Variants in PDZD2 observed in about 807,000 individuals in gnomAD.
PDZD2 encodes the protein PDZ domain-containing protein 2.
Under a neutral mutation model 220.7 loss-of-function variants are expected in PDZD2, and 90 were observed. The ratio of observed to expected loss-of-function variants is 0.41; its 90% CI spans 0.34 to 0.49. The LOEUF (loss-of-function observed/expected upper bound fraction) is 0.49, where lower values mean the gene tolerates loss of function less well. Ranked by LOEUF, PDZD2 falls within the 20% of genes least tolerant of loss-of-function variation. PDZD2 has a pLI of 0.28. For synonymous variants in PDZD2, 1,375 were observed against 1,450.5 expected (o/e 0.95, Z 1.18); for missense variants, 3,174 against 3,608.5 (o/e 0.88, Z 3.08).
intron 2 of PDZD2, among the ~76,000 whole-genome samples, chr5:31,945,818 C>T (rs2111566183): frequency 6.6e-6 from 1 of 152,166 alleles, no homozygotes; most frequent in Middle Eastern, 3.4e-3. Flanking sequence ...AGGTGCACAG[C>T]CATTATAGGG....
intron 2 of PDZD2, among the ~76,000 whole-genome samples, chr5:31,802,780 C>T (rs376094315): frequency 1.8e-4 from 28 of 151,870 alleles, no homozygotes; most frequent in African/African-American, 5.3e-4. Context: ...ATTAGCCGGG[C>T]GTGGTGGCGG....
chr5:31,759,946 A>G (rs547323830), intron 1 of PDZD2, among the ~76,000 whole-genome samples: 1 of 152,226 alleles, frequency 6.6e-6, no homozygotes. Context: ...GAATACATGT[A>G]TTATGAATTT....
In PDZD2 at chr5:32,090,241, A is replaced by G; in HGVS notation, c.6793A>G (p.Arg2265Gly). ...TGTTGTCCCCGAGGCAAAGGCATCCAGAGGTGGTCTTCCCAGCCTGGCTAA... is the reference window on the plus strand; with the variant it reads ...TGTTGTCCCCGAGGCAAAGGCATCCGGAGGTGGTCTTCCCAGCCTGGCTAA... ...SSVVPEAKAS[R>G]GGLPSLANGQ... The change falls in exon 20 of 25, where the codon AGA becomes GGA. Residue 2265 changes from arginine to glycine, a missense_variant. Around this residue, in one of 4 missense-constraint regions of PDZD2, gnomAD observed 631 missense variants for 789.9 expected, o/e 0.80. Transcript: ENST00000438447. This position sits in a 1 kb window ranked among gnomAD's most constrained non-coding sequence, Gnocchi z 4.3. The G allele has an allele frequency of 6.2e-7, 1 of 1,614,200 alleles. No homozygotes were observed. The highest frequency in any genetic ancestry group is 2.2e-5 in the East Asian group (1 of 44,876).
chr5:31,976,707 C>CT (rs1270194739), intron 2 of PDZD2, among the ~76,000 whole-genome samples: 127 of 121,622 alleles, frequency 1.0e-3, no homozygotes, highest in Non-Finnish European at 1.7e-3. Context: ...TCCTTTTTTT[C>CT]TTCTTTCTTT....
At chr5:31,842,357 A>C (rs942334462) in intron 2 of PDZD2, among the ~76,000 whole-genome samples, 4 of 152,174 alleles carry the variant, frequency 2.6e-5, no homozygotes, top group African/African-American at 7.2e-5. Context: ...CAGACGAGAG[A>C]ATCCAGGCTG....
At chr5:31,693,822 T>C (rs950033715) in intron 1 of PDZD2, among the ~76,000 whole-genome samples, 20 of 152,206 alleles carry the variant, frequency 1.3e-4, no homozygotes, top group African/African-American at 4.8e-4. Context: ...TAGTGCCAGC[T>C]CTGCCCTTAT....
chr5:31,721,306 T>G (rs1335595566), intron 1 of PDZD2, among the ~76,000 whole-genome samples: 1 of 152,080 alleles, frequency 6.6e-6, no homozygotes, highest in Non-Finnish European at 1.5e-5. Flanking sequence ...AAAGATAGAT[T>G]GGAGAGAACC....
chr5:31,954,872 G>T (rs887754732), intron 2 of PDZD2, among the ~76,000 whole-genome samples: 11 of 152,150 alleles, frequency 7.2e-5, no homozygotes, highest in Admixed American at 6.5e-5. Context: ...GGGAGGCGAA[G>T]GTTGCAGTGA....
At chr5:32,100,171 C>A (rs1439267704) in intron 23 of PDZD2, 1 of 153,310 alleles carries the variant, frequency 6.5e-6, no homozygotes, top group Non-Finnish European at 1.5e-5. Flanking sequence ...TAGTAAATGT[C>A]CTTCAGACCC....
chr5:32,006,195 A>T (rs1324242893), intron 5 of PDZD2, among the ~76,000 whole-genome samples: 1 of 151,544 alleles, frequency 6.6e-6, no homozygotes, highest in East Asian at 1.9e-4. Flanking sequence ...GTAGCTGGTT[A>T]TAGCAAGAAC....
chr5:32,057,417 A>T (rs1209771095), intron 10 of PDZD2, among the ~76,000 whole-genome samples: 1 of 152,234 alleles, frequency 6.6e-6, no homozygotes, highest in Non-Finnish European at 1.5e-5. Flanking sequence ...TAAGATTTTC[A>T]TGCTTCCCAT....
At chr5:31,692,268 C>T (rs1407716257) in intron 1 of PDZD2, among the ~76,000 whole-genome samples, 2 of 152,198 alleles carry the variant, frequency 1.3e-5, no homozygotes, top group African/African-American at 2.4e-5. Context: ...GTGCGGGGTC[C>T]GCGGAGCCTA....
intron 6 of PDZD2, among the ~76,000 whole-genome samples, chr5:32,029,892 T>C (rs1407840308): frequency 6.6e-6 from 1 of 152,208 alleles, no homozygotes; most frequent in African/African-American, 2.4e-5. Flanking sequence ...GAGGAAAAGA[T>C]TCTTGGCTTC....
chr5:31,999,060 T>C (rs1050485257), intron 4 of PDZD2, among the ~76,000 whole-genome samples: 18 of 152,232 alleles, frequency 1.2e-4, no homozygotes, highest in Admixed American at 1.1e-3. Context: ...TGACCCTCCC[T>C]AGGGGAGGCA....
chr5:31,698,058 G>T (rs112598121), intron 1 of PDZD2, among the ~76,000 whole-genome samples: 1 of 146,000 alleles, frequency 6.8e-6, no homozygotes, highest in Admixed American at 7.0e-5. Context: ...GCGTGCCACC[G>T]CACCCAGCTA....
intron 1 of PDZD2, among the ~76,000 whole-genome samples, chr5:31,753,591 ACT>A (rs1214270128): frequency 6.8e-6 from 1 of 146,380 alleles, no homozygotes; most frequent in African/African-American, 2.6e-5. Context: ...ACAGAGTGAG[ACT>A]CTGTCTCAAA....
At chr5:31,922,619 C>T (rs903371306) in intron 2 of PDZD2, among the ~76,000 whole-genome samples, 14 of 152,158 alleles carry the variant, frequency 9.2e-5, no homozygotes, top group Non-Finnish European at 2.1e-4. Flanking sequence ...GCCACGGTAA[C>T]TACTCTGAAA....
chr5:32,078,362 T>C (rs1481114850), intron 19 of PDZD2, among the ~76,000 whole-genome samples: 8 of 152,192 alleles, frequency 5.3e-5, no homozygotes, highest in Non-Finnish European at 1.2e-4. Context: ...CCAGGTGCAG[T>C]GGCTCATGCC....
At chr5:31,967,255 G>T (rs1748842889) in intron 2 of PDZD2, among the ~76,000 whole-genome samples, 1 of 152,188 alleles carries the variant, frequency 6.6e-6, no homozygotes. Flanking sequence ...GTCAATGTTT[G>T]AATTTGTGTG....
Sources: allele counts gnomAD v4.1 joint callset (sites outside exome capture counted in the v4.1 genomes callset), GRCh38; gene constraint gnomAD v4.1.1; regional missense constraint gnomAD v4.1.1; non-coding constraint Gnocchi (gnomAD v3.1); transcripts MANE v1.5; gene names NCBI Gene and HGNC (gene_info 2026-07-23, HGNC 2026-07-21).